SLC38A8: variants seen among roughly 807,000 people sequenced by gnomAD.
SLC38A8 encodes amino acid transporter SLC38A8.
In SLC38A8, 65 loss-of-function variants were observed where a neutral mutation model predicts 46.0. That is an observed-to-expected ratio of 1.41 (90% CI 1.16 to 1.74). The LOEUF (loss-of-function observed/expected upper bound fraction) is 1.74, where lower values mean the gene tolerates loss of function less well. SLC38A8 is among the 40% of genes most tolerant of loss of function. The pLI, the probability that SLC38A8 is intolerant of heterozygous loss-of-function variation, is 0.00. For synonymous variants in SLC38A8, 447 were observed against 243.7 expected (o/e 1.83, Z -7.77); for missense variants, 998 against 567.9 (o/e 1.76, Z -7.70).
intron 4 of SLC38A8, 138 bp from the exon 5 acceptor site, chr16:84,032,106 T>C (rs1220430366): frequency 1.5e-6 from 1 of 689,298 alleles, no homozygotes; most frequent in South Asian, 1.7e-5. Context: ...TGCCTCACCA[T>C]CCTCATCTGT....
At chr16:84,038,421 C>T (rs1346220552) in intron 2 of SLC38A8, among the ~76,000 whole-genome samples, 1 of 152,186 alleles carries the variant, frequency 6.6e-6, no homozygotes, top group Non-Finnish European at 1.5e-5. Context: ...TGCTTTGACT[C>T]CTCTACCCTT....
intron 5 of SLC38A8, among the ~76,000 whole-genome samples, chr16:84,030,475 G>A (rs1476614633): frequency 1.3e-5 from 2 of 151,924 alleles, no homozygotes; most frequent in Admixed American, 1.3e-4. Flanking sequence ...TGCCAGCCCG[G>A]ACCTCTCTCT....
chr16:84,016,481 A>T (rs199969443), intron 9 of SLC38A8, 38 bp downstream of exon 9: 70 of 1,605,060 alleles, frequency 4.4e-5, no homozygotes, highest in Admixed American at 2.2e-4. Context: ...AGCAGGGAAG[A>T]ACAAGTGGGC....
At chr16:84,023,285 C>T (rs1266537136) in intron 6 of SLC38A8, among the ~76,000 whole-genome samples, 1 of 152,086 alleles carries the variant, frequency 6.6e-6, no homozygotes, top group Non-Finnish European at 1.5e-5. Context: ...GGCCCAACCC[C>T]AGCCAATGGG....
intron 9 of SLC38A8, among the ~76,000 whole-genome samples, chr16:84,013,375 A>G (rs2084977172): frequency 6.7e-6 from 1 of 149,844 alleles, no homozygotes; most frequent in Non-Finnish European, 1.5e-5. Context: ...GACACCCGGG[A>G]AGTGCTCGGC....
intron 3 of SLC38A8, 35 bp downstream of exon 3, chr16:84,036,667 C>G: frequency 6.2e-7 from 1 of 1,612,070 alleles, no homozygotes; most frequent in Non-Finnish European, 8.5e-7. Flanking sequence ...AGGTCCGGCA[C>G]CCTGGGCCAC....
intron 3 of SLC38A8, among the ~76,000 whole-genome samples, chr16:84,034,678 T>C (rs906357461): frequency 4.6e-5 from 7 of 152,122 alleles, no homozygotes; most frequent in Non-Finnish European, 1.5e-5. Context: ...TACGAAATGA[T>C]GAAGGGGAAA....
intron 2 of SLC38A8, among the ~76,000 whole-genome samples, chr16:84,038,824 A>G (rs767384632): frequency 2.0e-5 from 3 of 152,152 alleles, no homozygotes; most frequent in Non-Finnish European, 4.4e-5. Context: ...ATTGATCCGT[A>G]TCGGGCGCAC....
intron 3 of SLC38A8, among the ~76,000 whole-genome samples, chr16:84,033,877 G>A (rs1468915721): frequency 6.6e-6 from 1 of 152,202 alleles, no homozygotes; most frequent in South Asian, 2.1e-4. Flanking sequence ...AGGCTGCTGT[G>A]CATGAGCATT....
chr16:84,043,372 C>G (rs1027387410), upstream of SLC38A8, among the ~76,000 whole-genome samples: 2 of 152,194 alleles, frequency 1.3e-5, no homozygotes, highest in African/African-American at 4.8e-5. Context: ...CCCAGGCTCC[C>G]TCTCACCCGC....
At chr16:84,021,221 G>T (rs528955718) in intron 7 of SLC38A8, among the ~76,000 whole-genome samples, 4 of 152,144 alleles carry the variant, frequency 2.6e-5, no homozygotes, top group Non-Finnish European at 5.9e-5. Context: ...CCGCCACCAT[G>T]CTCGGCTAAT....
chr16:84,020,003 C>G (rs1045725769), intron 7 of SLC38A8, among the ~76,000 whole-genome samples: 8 of 152,248 alleles, frequency 5.3e-5, no homozygotes, highest in African/African-American at 1.7e-4. Flanking sequence ...CTGAAGTTCT[C>G]GCAGGCAGGT....
intron 7 of SLC38A8, among the ~76,000 whole-genome samples, chr16:84,018,423 G>A (rs1035129627): frequency 1.3e-5 from 2 of 151,932 alleles, no homozygotes; most frequent in Non-Finnish European, 2.9e-5. Flanking sequence ...GTTTCACCGT[G>A]TTAGCCAGGA....
chr16:84,016,661 G>T lies in SLC38A8; in HGVS notation c.1020C>A (p.Asp340Glu), dbSNP rs527400186. The T allele has an allele frequency of 1.2e-6, 2 of 1,613,598 alleles. No homozygotes were observed. Among genetic ancestry groups the T allele is most frequent in the Non-Finnish European group, 1.7e-6 (2 of 1,180,022 alleles). Residue 340 changes from aspartate (D) to glutamate (E), a missense_variant, in exon 9 of 11, where the codon GAC becomes GAA. Physicochemically the swap from Asp to Glu is conservative, Grantham distance 45. Transcript: ENST00000299709. ...LGGWGPSALA[D>E]PSGLWVRMPL... is the part of the protein sequence containing the mutation. ...GCATCCGGACCCACAGCCCTGAGGGGTCGGCCAGGGCGCTGGGCCCCCATC... is the reference window on the plus strand; with the variant it reads ...GCATCCGGACCCACAGCCCTGAGGGTTCGGCCAGGGCGCTGGGCCCCCATC...
chr16:84,020,166 G>A (rs1013321483), intron 7 of SLC38A8, among the ~76,000 whole-genome samples: 2 of 150,674 alleles, frequency 1.3e-5, no homozygotes, highest in Non-Finnish European at 3.0e-5. Context: ...TTTGAGACAG[G>A]GTCTTGCCCT....
At chr16:84,010,569 C>A (rs1231895796) in intron 10 of SLC38A8, among the ~76,000 whole-genome samples, 1 of 151,966 alleles carries the variant, frequency 6.6e-6, no homozygotes, top group Admixed American at 6.6e-5. Flanking sequence ...TGGTGAAACC[C>A]CATCTCTACT....
At chr16:84,038,356 C>T (rs1221632780) in intron 2 of SLC38A8, among the ~76,000 whole-genome samples, 1 of 152,046 alleles carries the variant, frequency 6.6e-6, no homozygotes, top group Admixed American at 6.6e-5. Flanking sequence ...AAGAACGTTA[C>T]AGTGAACACC....
At chr16:84,028,907 G>C (rs1201811321) in intron 6 of SLC38A8, among the ~76,000 whole-genome samples, 1 of 152,104 alleles carries the variant, frequency 6.6e-6, no homozygotes, top group Non-Finnish European at 1.5e-5. Context: ...GGACACCTCT[G>C]ACTCTGCCCC....
chr16:84,042,841 G>A (rs187114473), upstream of SLC38A8, among the ~76,000 whole-genome samples: 28 of 151,732 alleles, frequency 1.8e-4, 1 homozygote, highest in Middle Eastern at 3.4e-3. Context: ...TAAGACTCCC[G>A]CCTCTCCCCA....
Sources: gnomAD v4.1 joint callset for allele counts (sites outside exome capture counted in the v4.1 genomes callset) on GRCh38, gnomAD v4.1.1 for gene constraint, MANE v1.5 for transcripts, NCBI Gene and HGNC (gene_info 2026-07-23, HGNC 2026-07-21) for gene names.